Variants in RBFOX1 observed in about 807,000 individuals in gnomAD.
RBFOX1 encodes RNA binding fox-1 homolog 1.
Under a neutral mutation model 57.7 loss-of-function variants are expected in RBFOX1, and 8 were observed. That is an observed-to-expected ratio of 0.14 (90% CI 0.08 to 0.25). The LOEUF (loss-of-function observed/expected upper bound fraction) is 0.25. RBFOX1 is among the 10% of genes least tolerant of loss of function. RBFOX1 has a pLI of 1.00. For synonymous variants in RBFOX1, 326 were observed against 222.4 expected (o/e 1.47, Z -4.15); for missense variants, 611 against 548.5 (o/e 1.11, Z -1.14).
At chr16:5,411,220 A>T (rs1248878870) in intron 1 of RBFOX1, among the ~76,000 whole-genome samples, 1 of 152,240 alleles carries the variant, frequency 6.6e-6, no homozygotes, top group African/African-American at 2.4e-5. Context: ...GTCACCTTGC[A>T]TGGCGAAAGG....
intron 1 of RBFOX1, among the ~76,000 whole-genome samples, chr16:5,344,873 A>G (rs768983178): frequency 6.6e-6 from 1 of 152,250 alleles, no homozygotes; most frequent in Non-Finnish European, 1.5e-5. Context: ...TGATGAAGGC[A>G]TGTTGATATC....
chr16:6,918,156 C>T (rs1207930259), intron 3 of RBFOX1, among the ~76,000 whole-genome samples: 2 of 151,950 alleles, frequency 1.3e-5, no homozygotes, highest in African/African-American at 4.8e-5. Flanking sequence ...GGTATGCTAG[C>T]CTGTAGTCCC....
chr16:6,497,117 GA>G (rs1242338404), intron 2 of RBFOX1, among the ~76,000 whole-genome samples: 5 of 152,190 alleles, frequency 3.3e-5, no homozygotes, highest in Non-Finnish European at 5.9e-5. Context: ...CAATTTTAGA[GA>G]AGGTAATTAA....
chr16:7,101,787 T>G (rs1017832870), intron 4 of RBFOX1, among the ~76,000 whole-genome samples: 1 of 152,160 alleles, frequency 6.6e-6, no homozygotes, highest in Non-Finnish European at 1.5e-5. Flanking sequence ...CTTTTAATGT[T>G]AGAATGTGGC....
chr16:5,288,070 T>C (rs1036995509), intron 1 of RBFOX1, among the ~76,000 whole-genome samples: 1 of 152,194 alleles, frequency 6.6e-6, no homozygotes, highest in African/African-American at 2.4e-5. Context: ...TGTAATTGTG[T>C]ACGGCCGACT....
intron 5 of RBFOX1, among the ~76,000 whole-genome samples, chr16:7,550,034 A>T (rs1457632274): frequency 6.6e-6 from 1 of 152,076 alleles, no homozygotes; most frequent in East Asian, 1.9e-4. Flanking sequence ...GGCTCAAGCG[A>T]TTGTCCCACC....
At chr16:6,786,189 C>A (rs749557002) in intron 3 of RBFOX1, among the ~76,000 whole-genome samples, 1 of 152,188 alleles carries the variant, frequency 6.6e-6, no homozygotes, top group African/African-American at 2.4e-5. Flanking sequence ...ACCCTGTTGA[C>A]TCCTCATTCC....
intron 4 of RBFOX1, chr16:7,510,214 G>A (rs2074647094): frequency 3.0e-6 from 3 of 985,874 alleles, no homozygotes; most frequent in Non-Finnish European, 3.6e-6. Context: ...GCACACCCTC[G>A]CTCGTAATTG....
chr16:7,434,614 C>T (rs2098707877), intron 4 of RBFOX1, among the ~76,000 whole-genome samples: 1 of 151,970 alleles, frequency 6.6e-6, no homozygotes, highest in Non-Finnish European at 1.5e-5. Context: ...CTAAGGGGAT[C>T]CTAAAGTTTA....
At chr16:5,252,132 C>G (rs2062468034) in intron 1 of RBFOX1, among the ~76,000 whole-genome samples, 1 of 152,130 alleles carries the variant, frequency 6.6e-6, no homozygotes, top group Non-Finnish European at 1.5e-5. Flanking sequence ...TACTCTGAGC[C>G]CAGACAGAGG....
intron 4 of RBFOX1, among the ~76,000 whole-genome samples, chr16:7,245,436 T>C (rs182322856): frequency 1.5e-5 from 2 of 132,454 alleles, no homozygotes; most frequent in African/African-American, 6.6e-5. Flanking sequence ...CTAGTATTAG[T>C]TGAATGTTTG....
chr16:6,058,920 G>T (rs1352622040), intron 1 of RBFOX1, among the ~76,000 whole-genome samples: 2 of 152,084 alleles, frequency 1.3e-5, no homozygotes, highest in South Asian at 2.1e-4. Flanking sequence ...GCACCATTTT[G>T]CAGAGTTGCT....
At chr16:5,296,720 C>T (rs1025753900) in intron 1 of RBFOX1, among the ~76,000 whole-genome samples, 1 of 150,556 alleles carries the variant, frequency 6.6e-6, no homozygotes, top group Non-Finnish European at 1.5e-5. Context: ...GCTCCGTCAT[C>T]CAGGCTGGAG....
intron 2 of RBFOX1, among the ~76,000 whole-genome samples, chr16:6,453,521 A>G (rs186610832): frequency 6.6e-6 from 1 of 152,300 alleles, no homozygotes. Context: ...ACAAGTTCTG[A>G]AATTGAGGCA....
chr16:6,213,207 G>T (rs146764913), intron 1 of RBFOX1, among the ~76,000 whole-genome samples: 90 of 152,008 alleles, frequency 5.9e-4, no homozygotes, highest in Non-Finnish European at 7.5e-4. Context: ...TTATGACCCA[G>T]TGTGTCTTTG....
At chr16:6,506,337 C>T (rs962991989) in intron 2 of RBFOX1, among the ~76,000 whole-genome samples, 4 of 151,944 alleles carry the variant, frequency 2.6e-5, no homozygotes, top group Non-Finnish European at 5.9e-5. Flanking sequence ...AAGAGCCAGA[C>T]ACTCAGATCT....
intron 3 of RBFOX1, among the ~76,000 whole-genome samples, chr16:6,823,409 A>C (rs575912051): frequency 6.6e-6 from 1 of 152,026 alleles, no homozygotes; most frequent in South Asian, 2.1e-4. Flanking sequence ...TATGTGCGCC[A>C]CCACACCTGG....
At chr16:6,514,573 T>C (rs1406249080) in intron 2 of RBFOX1, among the ~76,000 whole-genome samples, 2 of 152,200 alleles carry the variant, frequency 1.3e-5, no homozygotes, top group Non-Finnish European at 2.9e-5. Flanking sequence ...TAGGCACGTA[T>C]GTGGGGGAGC....
At chr16:7,088,311 CTTTG>C (rs892048184) in intron 4 of RBFOX1, among the ~76,000 whole-genome samples, 17 of 152,054 alleles carry the variant, frequency 1.1e-4, no homozygotes, top group Non-Finnish European at 2.2e-4. Flanking sequence ...GTAGTGATGG[CTTTG>C]TTTATTTGTT....
Sources: allele counts gnomAD v4.1 joint callset (sites outside exome capture counted in the v4.1 genomes callset), GRCh38; gene constraint gnomAD v4.1.1; transcripts MANE v1.5; gene names NCBI Gene and HGNC (gene_info 2026-07-23, HGNC 2026-07-21).